LRRTM4: variants seen among roughly 807,000 people sequenced by gnomAD.
The protein encoded by LRRTM4 is leucine rich repeat transmembrane neuronal 4.
LRRTM4 carries 25 observed loss-of-function variants against 47.6 expected under a neutral mutation model. That is an observed-to-expected ratio of 0.53 (90% CI 0.38 to 0.73). The LOEUF (loss-of-function observed/expected upper bound fraction) is 0.73, where lower values mean the gene tolerates loss of function less well. LRRTM4 is among the 30% of genes least tolerant of loss of function. The pLI, the probability that LRRTM4 is intolerant of heterozygous loss-of-function variation, is 0.00. For synonymous variants in LRRTM4, 311 were observed against 269.5 expected (o/e 1.15, Z -1.51); for missense variants, 638 against 713.4 (o/e 0.89, Z 1.20).
At chr2:77,321,745 T>C (rs1328086224) in intron 3 of LRRTM4, among the ~76,000 whole-genome samples, 4 of 152,054 alleles carry the variant, frequency 2.6e-5, no homozygotes, top group Non-Finnish European at 5.9e-5. Context: ...TTTTTATTTT[T>C]AAGGAAAGAT....
At chr2:77,518,055 A>T (rs1342135301) in intron 3 of LRRTM4, 2 of 1,200,980 alleles carry the variant, frequency 1.7e-6, no homozygotes, top group Admixed American at 4.1e-5. Context: ...ACAAATTGTT[A>T]AAAAGCAGAT....
At chr2:76,934,365 C>T (rs140757215) in intron 3 of LRRTM4, among the ~76,000 whole-genome samples, 2 of 152,120 alleles carry the variant, frequency 1.3e-5, no homozygotes, top group East Asian at 3.9e-4. Flanking sequence ...AGTCTGAATA[C>T]CAGCATTTAG....
At chr2:77,401,105 T>C (rs532886625) in intron 3 of LRRTM4, among the ~76,000 whole-genome samples, 1 of 151,926 alleles carries the variant, frequency 6.6e-6, no homozygotes, top group African/African-American at 2.4e-5. Context: ...TATAGAAAAA[T>C]ATTGCTGGTT....
chr2:76,771,297 C>A (rs1006219407), intron 3 of LRRTM4, among the ~76,000 whole-genome samples: 1 of 152,148 alleles, frequency 6.6e-6, no homozygotes, highest in South Asian at 2.1e-4. Flanking sequence ...CCATTCATGT[C>A]CCATGACCTT....
chr2:77,153,983 C>T (rs144038553), intron 3 of LRRTM4, among the ~76,000 whole-genome samples: 472 of 152,244 alleles, frequency 3.1e-3, no homozygotes, highest in African/African-American at 0.011. Context: ...AATTATTTCA[C>T]AGGTGTTTAG....
chr2:76,902,835 C>T (rs1673688266), intron 3 of LRRTM4, among the ~76,000 whole-genome samples: 1 of 151,992 alleles, frequency 6.6e-6, no homozygotes, highest in Non-Finnish European at 1.5e-5. Flanking sequence ...GATAGATTCC[C>T]CTGGTGCATT....
intron 3 of LRRTM4, among the ~76,000 whole-genome samples, chr2:77,150,460 TAAG>T (rs1436434473): frequency 2.0e-5 from 3 of 152,182 alleles, no homozygotes; most frequent in Non-Finnish European, 2.9e-5. Context: ...GGAGTTCAAC[TAAG>T]AAGAGAGACA....
chr2:76,756,789 A>G (rs1022380667), intron 3 of LRRTM4, among the ~76,000 whole-genome samples: 5 of 152,288 alleles, frequency 3.3e-5, no homozygotes, highest in Middle Eastern at 3.4e-3. Flanking sequence ...TGCAGAAATA[A>G]GAAAAATTCC....
chr2:76,878,571 A>T (rs1012997149), intron 3 of LRRTM4, among the ~76,000 whole-genome samples: 6 of 151,954 alleles, frequency 3.9e-5, no homozygotes, highest in African/African-American at 1.4e-4. Flanking sequence ...GAATTATAGG[A>T]AAGTGAAACT....
chr2:77,193,679 A>G (rs1231498145), intron 3 of LRRTM4, among the ~76,000 whole-genome samples: 4 of 152,144 alleles, frequency 2.6e-5, no homozygotes, highest in African/African-American at 9.7e-5. Flanking sequence ...GCATGGTGGC[A>G]CATGCTTGTA....
chr2:77,240,674 A>G (rs1675234635), intron 3 of LRRTM4, among the ~76,000 whole-genome samples: 1 of 151,990 alleles, frequency 6.6e-6, no homozygotes, highest in Non-Finnish European at 1.5e-5. Context: ...CTAAGAATCT[A>G]AAAAATGCTA....
chr2:77,223,590 G>A (rs1381914796), intron 3 of LRRTM4, among the ~76,000 whole-genome samples: 1 of 152,112 alleles, frequency 6.6e-6, no homozygotes, highest in African/African-American at 2.4e-5. Flanking sequence ...GCCAAATCAT[G>A]AGTGAACTCC....
intron 3 of LRRTM4, among the ~76,000 whole-genome samples, chr2:77,131,721 A>C (rs1371595422): frequency 6.6e-6 from 1 of 152,180 alleles, no homozygotes; most frequent in Non-Finnish European, 1.5e-5. Context: ...TTGTAAAGGT[A>C]AGATCTAAAG....
At chr2:77,068,026 G>A (rs1680018961) in intron 3 of LRRTM4, among the ~76,000 whole-genome samples, 1 of 152,002 alleles carries the variant, frequency 6.6e-6, no homozygotes, top group Non-Finnish European at 1.5e-5. Context: ...TATATTAAAA[G>A]TTATAAATTA....
intron 3 of LRRTM4, among the ~76,000 whole-genome samples, chr2:77,114,604 G>A (rs1671337464): frequency 1.3e-5 from 2 of 152,146 alleles, no homozygotes; most frequent in Non-Finnish European, 1.5e-5. Flanking sequence ...AGGGGAACCA[G>A]CCCCCAATAT....
At chr2:77,433,432 A>G (rs1007584125) in intron 3 of LRRTM4, among the ~76,000 whole-genome samples, 6 of 152,142 alleles carry the variant, frequency 3.9e-5, no homozygotes, top group Non-Finnish European at 4.4e-5. Flanking sequence ...ATCAAAACGG[A>G]TTGCCAAGTT....
intron 3 of LRRTM4, among the ~76,000 whole-genome samples, chr2:76,971,593 T>C (rs1437861382): frequency 1.3e-5 from 2 of 151,996 alleles, no homozygotes; most frequent in Admixed American, 6.6e-5. Context: ...AAGAAATATA[T>C]ATCTGGATGG....
intron 3 of LRRTM4, among the ~76,000 whole-genome samples, chr2:76,926,294 A>G (rs1674587179): frequency 6.6e-6 from 1 of 152,170 alleles, no homozygotes; most frequent in Admixed American, 6.6e-5. Context: ...AAATTGTCTT[A>G]CAAAGAAAAA....
chr2:76,899,261 C>G lies in LRRTM4; in HGVS notation c.1552-150345G>C, dbSNP rs1673533550. On this transcript the variant is annotated intron_variant, in intron 3 of 3. Coordinates refer to ENST00000409884, the MANE Select transcript of LRRTM4 (RefSeq NM_001134745.3). ...GAAGTGAACAAAACTGCAAAAACAC[C>G]TGCCCTCATGAAACTTAAATTCTAT... Among the ~76,000 whole-genome samples, 4 of 150,670 alleles carry G rather than the reference C, an allele frequency of 2.7e-5. No individual in the cohort carries two copies. The Admixed American group carries it at 2.7e-4, about 10-fold the overall frequency.
Sources: gnomAD v4.1 joint callset for allele counts (sites outside exome capture counted in the v4.1 genomes callset) on GRCh38, gnomAD v4.1.1 for gene constraint, MANE v1.5 for transcripts, NCBI Gene and HGNC (gene_info 2026-07-23, HGNC 2026-07-21) for gene names.